Variants in PCDH15 observed in about 807,000 individuals in gnomAD.
The protein encoded by PCDH15 is protocadherin-15.
PCDH15 carries 129 observed loss-of-function variants against 178.5 expected under a neutral mutation model. That is an observed-to-expected ratio of 0.72 (90% CI 0.63 to 0.84). The LOEUF is 0.84. Among genes scored for constraint, PCDH15 ranks in the 40% least tolerant of loss-of-function variants. PCDH15 has a pLI of 0.00. For missense variants in PCDH15, 2,230 were observed against 2,099.9 expected, an observed-to-expected ratio of 1.06 and a Z score of -1.21; for synonymous variants, 800 against 732.0, an observed-to-expected ratio of 1.09 and a Z score of -1.50.
intron 1 of PCDH15, among the ~76,000 whole-genome samples, chr10:54,749,618 T>C (rs947565053): frequency 3.3e-5 from 5 of 152,178 alleles, no homozygotes; most frequent in East Asian, 1.9e-4. Context: ...CAGAGTAATA[T>C]AGTTTTCTCC....
intron 15 of PCDH15, among the ~76,000 whole-genome samples, chr10:54,122,843 G>C (rs1332372002): frequency 2.0e-5 from 3 of 147,260 alleles, no homozygotes; most frequent in Non-Finnish European, 4.5e-5. Flanking sequence ...GGAGGTAAAA[G>C]ATCTCTGCAG....
chr10:54,208,328 T>C (rs1319523365), intron 10 of PCDH15, among the ~76,000 whole-genome samples: 2 of 152,030 alleles, frequency 1.3e-5, no homozygotes, highest in African/African-American at 4.8e-5. Context: ...TTTAGTAACC[T>C]ACTGAACTGA....
rs535406149 is a variant in PCDH15, at chr10:54,444,989, C to T, written c.158-66047G>A. Among the ~76,000 whole-genome samples the T allele has an allele frequency of 2.5e-4, 38 of 151,390 alleles. No homozygotes were observed. The South Asian group carries it at 7.7e-3, about 31-fold the overall frequency. On this transcript the variant is annotated intron_variant, in intron 3 of 37. Coordinates refer to ENST00000644397, the MANE Select transcript of PCDH15 (RefSeq NM_001384140.1). ...CAAAATTAAGATAAATTTCTTTCTC[C>T]TAAGTTCAAGGAAAGAATCATTCTC...
intron 2 of PCDH15, among the ~76,000 whole-genome samples, chr10:55,402,985 T>A (rs1838109721): frequency 1.3e-5 from 2 of 151,646 alleles, no homozygotes; most frequent in African/African-American, 4.8e-5. Flanking sequence ...GCGTTTGTTA[T>A]TTTTTGTCTT....
At chr10:55,133,585 T>C (rs981040180) in intron 2 of PCDH15, among the ~76,000 whole-genome samples, 1 of 152,202 alleles carries the variant, frequency 6.6e-6, no homozygotes, top group Non-Finnish European at 1.5e-5. Flanking sequence ...TCCTGATTTC[T>C]GGATTCTTAT....
At chr10:55,080,082 A>G (rs1485566475) in intron 2 of PCDH15, among the ~76,000 whole-genome samples, 1 of 152,054 alleles carries the variant, frequency 6.6e-6, no homozygotes, top group African/African-American at 2.4e-5. Flanking sequence ...CCATGCAGGC[A>G]TCTCTCAGGT....
At chr10:54,566,624 G>T (rs980253760) in intron 2 of PCDH15, among the ~76,000 whole-genome samples, 2 of 151,978 alleles carry the variant, frequency 1.3e-5, no homozygotes, top group African/African-American at 2.4e-5. Context: ...TTTTCCATTT[G>T]GTATTTTGAA....
At chr10:54,571,644 T>A (rs944757858) in intron 2 of PCDH15, among the ~76,000 whole-genome samples, 18 of 152,160 alleles carry the variant, frequency 1.2e-4, no homozygotes, top group Middle Eastern at 3.4e-3. Flanking sequence ...AAAAATAAGC[T>A]CTTCAGAGGT....
At chr10:54,212,163 A>G (rs182323862) in intron 10 of PCDH15, among the ~76,000 whole-genome samples, 1 of 152,264 alleles carries the variant, frequency 6.6e-6, no homozygotes, top group African/African-American at 2.4e-5. Context: ...CTTAATTCCC[A>G]TAGAAAGCAG....
At chr10:55,211,324 C>G (rs1298049704) in intron 1 of PCDH15, among the ~76,000 whole-genome samples, 1 of 152,068 alleles carries the variant, frequency 6.6e-6, no homozygotes, top group African/African-American at 2.4e-5. Flanking sequence ...CAGTAAATAG[C>G]CAATGTATAA....
intron 2 of PCDH15, among the ~76,000 whole-genome samples, chr10:55,152,197 A>C (rs760368082): frequency 4.5e-4 from 69 of 152,182 alleles, no homozygotes; most frequent in Non-Finnish European, 8.7e-4. Flanking sequence ...AACTGAATAT[A>C]ACATCTCATT....
chr10:54,617,492 G>A (rs1345381114), intron 2 of PCDH15, among the ~76,000 whole-genome samples: 1 of 151,840 alleles, frequency 6.6e-6, no homozygotes, highest in Admixed American at 6.6e-5. Context: ...ATATCATAAG[G>A]TCTTCTATAC....
chr10:54,877,523 G>A (rs897285025), intron 3 of PCDH15, among the ~76,000 whole-genome samples: 7 of 152,134 alleles, frequency 4.6e-5, no homozygotes, highest in African/African-American at 4.8e-5. Flanking sequence ...TGAGGTAAAT[G>A]TATCATTGAA....
intron 3 of PCDH15, among the ~76,000 whole-genome samples, chr10:54,824,889 A>T (rs1256677620): frequency 6.6e-6 from 1 of 152,114 alleles, no homozygotes; most frequent in Admixed American, 6.6e-5. Context: ...TATTATTATT[A>T]TACTTTAAGT....
intron 2 of PCDH15, among the ~76,000 whole-genome samples, chr10:55,389,037 A>C (rs576873103): frequency 3.9e-5 from 6 of 152,132 alleles, no homozygotes; most frequent in African/African-American, 7.2e-5. Context: ...CTTTCTTATA[A>C]CTGGGTTCAT....
chr10:54,011,216 T>C (rs897751715), intron 20 of PCDH15, among the ~76,000 whole-genome samples: 5 of 152,268 alleles, frequency 3.3e-5, no homozygotes, highest in Admixed American at 3.3e-4. Flanking sequence ...GCTGCAGTGA[T>C]ATTGCCCTTG....
chr10:54,140,479 T>A (rs1370759752), intron 14 of PCDH15, among the ~76,000 whole-genome samples: 2 of 152,038 alleles, frequency 1.3e-5, no homozygotes, highest in Non-Finnish European at 2.9e-5. Flanking sequence ...CTGCTTTTTT[T>A]TTTTTCTTGA....
chr10:54,986,546 TAA>T (rs1345424783), intron 2 of PCDH15, among the ~76,000 whole-genome samples: 1 of 152,208 alleles, frequency 6.6e-6, no homozygotes, highest in Non-Finnish European at 1.5e-5. Flanking sequence ...TTCAAGATGC[TAA>T]GTTAGTAATT....
intron 3 of PCDH15, among the ~76,000 whole-genome samples, chr10:54,385,133 TATAAG>T (rs1209297720): frequency 6.6e-6 from 1 of 152,260 alleles, no homozygotes; most frequent in East Asian, 1.9e-4. Flanking sequence ...TAATTTTTAA[TATAAG>T]ATATTTAAAA....
Sources: gnomAD v4.1 joint callset for allele counts (sites outside exome capture counted in the v4.1 genomes callset) on GRCh38, gnomAD v4.1.1 for gene constraint, MANE v1.5 for transcripts, NCBI Gene and HGNC (gene_info 2026-07-23, HGNC 2026-07-21) for gene names.